B3GALT5: variants seen among roughly 807,000 people sequenced by gnomAD.
The protein encoded by B3GALT5 is UDP-Gal:betaGlcNAc beta 1,3-galactosyltransferase, polypeptide 5.
For missense variants in B3GALT5, 328 were observed against 396.6 expected (o/e 0.83, Z 1.47); for synonymous variants, 156 against 158.6 (o/e 0.98, Z 0.12).
chr21:39,613,506 G>T (rs2079091673), intron 1 of B3GALT5, among the ~76,000 whole-genome samples: 1 of 152,220 alleles, frequency 6.6e-6, no homozygotes, highest in Non-Finnish European at 1.5e-5. Flanking sequence ...GGGCTGATGG[G>T]CAGGATCATG....
chr21:39,650,704 C>T (rs568011627), intron 2 of B3GALT5, among the ~76,000 whole-genome samples: 26 of 152,184 alleles, frequency 1.7e-4, no homozygotes, highest in African/African-American at 5.1e-4. Flanking sequence ...TCTGGTGGAA[C>T]GTCCACAGGA....
chr21:39,620,162 A>G (rs1455862201), intron 1 of B3GALT5, among the ~76,000 whole-genome samples: 5 of 152,106 alleles, frequency 3.3e-5, no homozygotes, highest in Admixed American at 6.5e-5. Flanking sequence ...AATTTTTCCA[A>G]TTTTCCTGTA....
In B3GALT5 at chr21:39,668,106, C is replaced by T. The variant is rs753630718; in HGVS notation, c.*6614C>T. 6.6e-6 allele frequency: 1 copy of T among 152,294 alleles called. No individual in the cohort carries two copies. The highest frequency in any genetic ancestry group is 2.4e-5 in the African/African-American group (1 of 41,482). 9.4% of individuals were successfully genotyped at this position (152,294 alleles called of 1,614,324 possible). On this transcript the variant is annotated 3_prime_UTR_variant, in exon 4 of 4. Transcript: ENST00000684187. The stretch of plus-strand genomic sequence containing the variant: ...ATGGCCTGCAGTGGTTGCTTAGCAG[C>T]AATGGGTTTGCTTGGTTATTTCCTG...
intron 1 of B3GALT5, among the ~76,000 whole-genome samples, chr21:39,616,807 A>G (rs760532780): frequency 2.6e-5 from 4 of 152,176 alleles, no homozygotes; most frequent in Non-Finnish European, 5.9e-5. Context: ...GTCTCTATTC[A>G]TTTTGATTAA....
intron 1 of B3GALT5, among the ~76,000 whole-genome samples, chr21:39,624,068 G>C (rs1235289913): frequency 6.6e-6 from 1 of 152,124 alleles, no homozygotes; most frequent in African/African-American, 2.4e-5. Flanking sequence ...AAGTGGAATG[G>C]CAAGTCTGAA....
chr21:39,627,181 C>T (rs1339948468), intron 1 of B3GALT5, among the ~76,000 whole-genome samples: 1 of 152,160 alleles, frequency 6.6e-6, no homozygotes, highest in Non-Finnish European at 1.5e-5. Context: ...GCTTCTGGCT[C>T]CCAGATTTCC....
At chr21:39,622,148 C>A (rs2079137349) in intron 1 of B3GALT5, among the ~76,000 whole-genome samples, 1 of 151,664 alleles carries the variant, frequency 6.6e-6, no homozygotes, top group Non-Finnish European at 1.5e-5. Context: ...TTTTTGAGGC[C>A]TACTTTTGAA....
chr21:39,618,782 G>A (rs2079120012), intron 1 of B3GALT5, among the ~76,000 whole-genome samples: 2 of 151,856 alleles, frequency 1.3e-5, no homozygotes, highest in South Asian at 4.2e-4. Context: ...TTTTAATTTG[G>A]TGAAATTTAC....
At chr21:39,626,066 C>T (rs1426215311) in intron 1 of B3GALT5, among the ~76,000 whole-genome samples, 1 of 152,146 alleles carries the variant, frequency 6.6e-6, no homozygotes, top group Admixed American at 6.5e-5. Flanking sequence ...AAATCTTGTA[C>T]CCATTATCAG....
At chr21:39,622,912 A>G (rs2079141367) in intron 1 of B3GALT5, among the ~76,000 whole-genome samples, 2 of 152,088 alleles carry the variant, frequency 1.3e-5, no homozygotes, top group Non-Finnish European at 2.9e-5. Context: ...TTAATCTTGA[A>G]TCATGTATTT....
intron 1 of B3GALT5, among the ~76,000 whole-genome samples, chr21:39,625,826 T>G (rs2079160837): frequency 6.6e-6 from 1 of 152,194 alleles, no homozygotes; most frequent in Admixed American, 6.5e-5. Flanking sequence ...AAGCCCTTGA[T>G]TTTTTTCTTT....
At position 39,661,118 on chromosome 21, in the gene B3GALT5, A is replaced by G. The variant is rs368422023; in HGVS notation, c.559A>G (p.Asn187Asp). The stretch of plus-strand genomic sequence containing the variant: ...GTTTTTCACTGGCTTCTTGAAACTC[A>G]ATGAGTTTCCCATCAGGCAGCCATT... ...TRFFTGFLKL[N>D]EFPIRQPFSK... is the part of the protein sequence containing the mutation. The change falls in exon 4 of 4, where the codon AAT (asparagine) becomes GAT (aspartate). Residue 187 changes from asparagine to aspartate, a missense_variant. Transcript: ENST00000684187. The surrounding 1 kb of genome is among the most constrained non-coding windows in gnomAD (Gnocchi z 4.7). 2.5e-6 allele frequency: 4 copies of G among 1,614,016 alleles called. No homozygotes were observed. In the African/African-American group the frequency reaches 5.3e-5, roughly 22 times the overall value.
At chr21:39,620,026 A>C (rs931222500) in intron 1 of B3GALT5, among the ~76,000 whole-genome samples, 6 of 151,992 alleles carry the variant, frequency 3.9e-5, no homozygotes, top group Admixed American at 3.9e-4. Flanking sequence ...AGTATTCACT[A>C]TGTTGGCCAG....
rs147231704 is a variant in B3GALT5 at position 39,618,568 on chromosome 21, T to C, written c.-392+5501T>C. 2.4e-3 allele frequency among the ~76,000 whole-genome samples: 365 copies of C among 152,362 alleles called. 6 individuals carry two copies. In the East Asian group the frequency reaches 0.03, roughly 12 times the overall value. On this transcript the variant is annotated intron_variant, in intron 1 of 3. Coordinates refer to ENST00000684187, the MANE Select transcript of B3GALT5 (RefSeq NM_001356336.2). Reference sequence around the variant, plus strand: ...AAACTAATCATCTGTTTGTATATTATGTATCTCAGCCATTTGGATTTCCTC... The same window carrying C: ...AAACTAATCATCTGTTTGTATATTACGTATCTCAGCCATTTGGATTTCCTC...
At chr21:39,624,222 C>T (rs1436154779) in intron 1 of B3GALT5, among the ~76,000 whole-genome samples, 1 of 152,192 alleles carries the variant, frequency 6.6e-6, no homozygotes, top group Non-Finnish European at 1.5e-5. Context: ...TCTGCATTCG[C>T]TCCCCCCATA....
chr21:39,666,145 G>C lies in B3GALT5; in HGVS notation c.*4653G>C, dbSNP rs1384528086. The C allele has an allele frequency of 1.3e-5, 2 of 152,300 alleles. No individual in the cohort carries two copies. The highest frequency in any genetic ancestry group is 2.9e-5 in the Non-Finnish European group (2 of 68,068). 9.4% of individuals were successfully genotyped at this position (152,300 alleles called of 1,614,324 possible). A position where few individuals can be genotyped will look rare whatever the true frequency, so the allele number is the denominator to read the frequency against. On this transcript the variant is annotated 3_prime_UTR_variant, in exon 4 of 4. Coordinates refer to ENST00000684187, the MANE Select transcript of B3GALT5 (RefSeq NM_001356336.2). ...TGCGACTCTGTGACCTGAAAACCTA[G>C]AAATGCTCCACAGCCATGCTCTTCA...
chr21:39,659,142 T>C (rs551671948), intron 2 of B3GALT5, among the ~76,000 whole-genome samples: 2 of 152,284 alleles, frequency 1.3e-5, no homozygotes, highest in South Asian at 4.1e-4. Flanking sequence ...TGGGAAGCTG[T>C]GACCCAAGTC....
rs2079617710 is a variant in B3GALT5 at position 39,670,488 on chromosome 21, AT to A, written c.*8999del. ...TTCACCTTTGCACAATCAGTCACAC[AT>A]TTGTTATATGACAGCTATGTGCCAC... On this transcript the variant is annotated 3_prime_UTR_variant, in exon 4 of 4. Coordinates refer to ENST00000684187, the MANE Select transcript of B3GALT5 (RefSeq NM_001356336.2). 6.6e-6 allele frequency: 1 copy of A among 152,182 alleles called. No individual in the cohort carries two copies. The highest frequency in any genetic ancestry group is 1.5e-5 in the Non-Finnish European group (1 of 68,032). The allele number at this position is 152,182 out of a possible 1,614,324, so 9.4% of individuals were successfully genotyped here.
intron 2 of B3GALT5, among the ~76,000 whole-genome samples, chr21:39,654,856 G>C (rs566190679): frequency 5.9e-5 from 9 of 152,152 alleles, no homozygotes; most frequent in Non-Finnish European, 1.3e-4. Context: ...AGATATGTAT[G>C]TTATTTTTTA....
Sources: gnomAD v4.1 joint callset for allele counts (sites outside exome capture counted in the v4.1 genomes callset) on GRCh38, gnomAD v4.1.1 for gene constraint, Gnocchi (gnomAD v3.1) non-coding constraint, MANE v1.5 for transcripts, NCBI Gene and HGNC (gene_info 2026-07-23, HGNC 2026-07-21) for gene names.